The following ROBO1 variants were observed in gnomAD, a reference collection of about 807,000 sequenced individuals.
ROBO1 encodes the protein roundabout guidance receptor 1.
ROBO1 carries 149 observed loss-of-function variants against 195.9 expected under a neutral mutation model. The observed-to-expected ratio is 0.76, with a 90% CI of 0.67 to 0.87. The LOEUF (loss-of-function observed/expected upper bound fraction) is 0.87. ROBO1 is among the 40% of genes least tolerant of loss of function. The probability of loss-of-function intolerance (pLI) is 0.00; values close to 1 mark genes in which losing one functional copy is unlikely to be tolerated. For missense variants in ROBO1, 1,933 were observed against 2,068.3 expected, an observed-to-expected ratio of 0.93 and a Z score of 1.27; for synonymous variants, 816 against 733.2, an observed-to-expected ratio of 1.11 and a Z score of -1.82.
chr3:79,697,350 T>A (rs959514908), intron 1 of ROBO1, among the ~76,000 whole-genome samples: 1 of 151,468 alleles, frequency 6.6e-6, no homozygotes, highest in Admixed American at 6.6e-5. Context: ...TAGAGAATAT[T>A]TTAGAAAAAA....
intron 4 of ROBO1, among the ~76,000 whole-genome samples, chr3:78,917,170 C>T (rs1291454787): frequency 1.4e-5 from 2 of 139,606 alleles, no homozygotes; most frequent in Non-Finnish European, 3.0e-5. Context: ...AATCTCGGCT[C>T]ATTGCAACCT....
In ROBO1 at chr3:79,722,589, G is replaced by A. The variant is rs186312814; in HGVS notation, c.-51+45163C>T. ...TCATAAAAAGCTCCTGTTGCACAGG[G>A]AAGCCATCTTCACTCAGTCAAAGAT... On this transcript the variant is annotated intron_variant, in intron 1 of 30. Transcript: ENST00000464233. Among the ~76,000 whole-genome samples, 291 of 152,284 alleles carry A rather than the reference G, an allele frequency of 1.9e-3. 2 individuals carry two copies. Among genetic ancestry groups the A allele is most frequent in the Middle Eastern group, 0.017 (5 of 292 alleles).
intron 17 of ROBO1, among the ~76,000 whole-genome samples, 158 bp from the exon 18 acceptor site, chr3:78,657,427 A>G (rs1294049211): frequency 1.3e-5 from 2 of 152,214 alleles, no homozygotes; most frequent in Non-Finnish European, 2.9e-5. Flanking sequence ...ATCTAGTTCT[A>G]TGAACAATCT....
intron 3 of ROBO1, among the ~76,000 whole-genome samples, chr3:79,030,314 G>A (rs2078271971): frequency 6.6e-6 from 1 of 152,192 alleles, no homozygotes; most frequent in South Asian, 2.1e-4. Context: ...GGCATCTGGT[G>A]TGTTAAGGCA....
At chr3:79,393,589 A>T (rs1182505565) in intron 2 of ROBO1, among the ~76,000 whole-genome samples, 2 of 152,168 alleles carry the variant, frequency 1.3e-5, no homozygotes, top group African/African-American at 2.4e-5. Context: ...ATGGGTGAAG[A>T]TCTCTATGGA....
At chr3:79,400,554 C>A (rs569806400) in intron 2 of ROBO1, among the ~76,000 whole-genome samples, 1 of 152,036 alleles carries the variant, frequency 6.6e-6, no homozygotes, top group South Asian at 2.1e-4. Context: ...TTTAATTTTT[C>A]TTTTTACGTA....
intron 2 of ROBO1, among the ~76,000 whole-genome samples, chr3:79,433,865 T>C (rs1481737294): frequency 1.3e-5 from 2 of 152,060 alleles, no homozygotes; most frequent in African/African-American, 4.8e-5. Flanking sequence ...TATAGACCAA[T>C]GGAACAGAAC....
chr3:79,500,932 T>TTCTC (rs147188724), intron 2 of ROBO1, among the ~76,000 whole-genome samples: 1 of 150,470 alleles, frequency 6.6e-6, no homozygotes, highest in Non-Finnish European at 1.5e-5. Flanking sequence ...CTAACTCTCT[T>TTCTC]TCTCTCTCTC....
At chr3:79,523,765 C>T (rs758994924) in intron 2 of ROBO1, among the ~76,000 whole-genome samples, 10 of 152,200 alleles carry the variant, frequency 6.6e-5, no homozygotes, top group East Asian at 5.8e-4. Context: ...TGAGCCACTG[C>T]GCTCGGCCTA....
At chr3:78,700,399 A>G (rs2081393198) in intron 8 of ROBO1, among the ~76,000 whole-genome samples, 1 of 152,218 alleles carries the variant, frequency 6.6e-6, no homozygotes, top group Non-Finnish European at 1.5e-5. Context: ...TGGAATGTCT[A>G]TCTTTAAATG....
chr3:78,653,593 T>A (rs1245863460), intron 18 of ROBO1, among the ~76,000 whole-genome samples: 1 of 152,222 alleles, frequency 6.6e-6, no homozygotes, highest in Non-Finnish European at 1.5e-5. Context: ...GCACTCCCTC[T>A]GTCTCATGGG....
Position 78,617,712 on chromosome 3 carries a change from T to C in ROBO1, c.4205A>G (p.Asp1402Gly). The C allele has an allele frequency of 1.2e-6, 2 of 1,613,960 alleles. No individual in the cohort carries two copies. Among genetic ancestry groups the C allele is most frequent in the Non-Finnish European group, 1.7e-6 (2 of 1,179,866 alleles). ...SSDGSFFTDA[D>G]FAQAVAAAAE... is the part of the protein sequence containing the mutation. The stretch of plus-strand genomic sequence containing the variant: ...CGCTGCTGCGACTGCCTGGGCAAAG[T>C]CAGCATCAGTGAAAAAGGAGCCGTC... The change falls in exon 27 of 31, where the codon GAC (aspartate) becomes GGC (glycine). Residue 1402 changes from aspartate (D) to glycine (G), a missense_variant. By Grantham distance (94) the Asp-to-Gly change is moderately conservative (BLOSUM62 -1). Coordinates refer to ENST00000464233, the MANE Select transcript of ROBO1 (RefSeq NM_002941.4).
rs1343217971 is a variant in ROBO1, at chr3:79,534,896, A to G, written c.88+54928T>C. Among the ~76,000 whole-genome samples the G allele has an allele frequency of 1.3e-5, 2 of 152,146 alleles. 1 individual carries two copies. The highest frequency in any genetic ancestry group is 3.9e-4 in the East Asian group (2 of 5,184). Reference sequence around the variant, plus strand: ...CTGCGTTTGACTTCTTGGGTGACGCATACTAACGACTGCAGCTTTACCTCT... The same window carrying G: ...CTGCGTTTGACTTCTTGGGTGACGCGTACTAACGACTGCAGCTTTACCTCT... On this transcript the variant is annotated intron_variant, in intron 2 of 30. Transcript: ENST00000464233.
intron 4 of ROBO1, among the ~76,000 whole-genome samples, chr3:78,848,752 T>C (rs1389833501): frequency 1.3e-5 from 2 of 152,188 alleles, no homozygotes; most frequent in African/African-American, 4.8e-5. Context: ...AGTGAGACTT[T>C]ATCTTAAAGT....
intron 29 of ROBO1, among the ~76,000 whole-genome samples, chr3:78,605,049 C>T (rs1409168733): frequency 6.6e-6 from 1 of 152,202 alleles, no homozygotes; most frequent in African/African-American, 2.4e-5. Flanking sequence ...TCATCACCTC[C>T]CTTCCAAAAT....
intron 4 of ROBO1, among the ~76,000 whole-genome samples, chr3:78,833,153 C>T (rs1329972283): frequency 1.3e-5 from 2 of 151,662 alleles, no homozygotes; most frequent in Non-Finnish European, 2.9e-5. Context: ...TCAGTGAAGG[C>T]ACTGTTAGAA....
chr3:79,105,682 G>A (rs188138458), intron 3 of ROBO1, among the ~76,000 whole-genome samples: 23 of 151,710 alleles, frequency 1.5e-4, no homozygotes, highest in Admixed American at 6.6e-4. Flanking sequence ...ATGCATTGTT[G>A]CAAACAAAGA....
intron 2 of ROBO1, among the ~76,000 whole-genome samples, chr3:79,373,204 G>A (rs2036262811): frequency 6.6e-6 from 1 of 152,130 alleles, no homozygotes. Flanking sequence ...TAACTACCAA[G>A]AAGTAAAGCT....
intron 3 of ROBO1, among the ~76,000 whole-genome samples, chr3:78,998,566 T>C (rs2077422413): frequency 6.6e-6 from 1 of 152,176 alleles, no homozygotes; most frequent in Admixed American, 6.6e-5. Flanking sequence ...CCAGTGTTTC[T>C]TGTAAACATA....
Sources: gnomAD v4.1 joint callset for allele counts (sites outside exome capture counted in the v4.1 genomes callset) on GRCh38, gnomAD v4.1.1 for gene constraint, MANE v1.5 for transcripts, NCBI Gene and HGNC (gene_info 2026-07-23, HGNC 2026-07-21) for gene names.